The following GJD3 variants were observed in gnomAD, a reference collection of about 807,000 sequenced individuals.
GJD3 encodes the protein gap junction delta-3 protein.
For missense variants in GJD3, 421 were observed against 448.5 expected (o/e 0.94, Z 0.55); for synonymous variants, 217 against 226.7 (o/e 0.96, Z 0.38).
chr17:40,363,755 C>G lies in GJD3; in HGVS notation c.61G>C (p.Val21Leu). Residue 21 changes from valine (V) to leucine (L), a missense_variant, in exon 1 of 1, where the codon GTG becomes CTG. Val to Leu is a conservative substitution (Grantham distance 32, BLOSUM62 1). Transcript: ENST00000578689. The surrounding 1 kb of genome is among the most constrained non-coding windows in gnomAD (Gnocchi z 5.5). ...LDAVQLQSPL[V>L]GRLWLVVMLI... ...ATGACCACCAGCCAGAGGCGGCCCA[C>G]GAGCGGCGACTGCAGCTGCACGGCG... 4 of 1,609,204 alleles carry G rather than the reference C, an allele frequency of 2.5e-6. No individual in the cohort carries two copies. Among genetic ancestry groups the G allele is most frequent in the Non-Finnish European group, 3.4e-6 (4 of 1,178,960 alleles).
rs370184193 is a variant in GJD3, at chr17:40,362,633, G to T, written c.*298C>A. On this transcript the variant is annotated 3_prime_UTR_variant, in exon 1 of 1. Coordinates refer to ENST00000578689, the MANE Select transcript of GJD3 (RefSeq NM_152219.4). ...CACCTTCCGCTCTGTTCTCCCCCTC[G>T]GGTCCACTCTCTCTCAGGGTCCTGG... 6.6e-6 allele frequency among the ~76,000 whole-genome samples: 1 copy of T among 152,334 alleles called. No individual in the cohort carries two copies. The highest frequency in any genetic ancestry group is 1.9e-4 in the East Asian group (1 of 5,184).
rs1567771823 is a variant in GJD3 at position 40,360,990 on chromosome 17, C to A, written c.*1941G>T. On this transcript the variant is annotated 3_prime_UTR_variant, in exon 1 of 1. Coordinates refer to ENST00000578689, the MANE Select transcript of GJD3 (RefSeq NM_152219.4). ...ATATTTACTGAGCACATACTACGTGCCATGGAAGGGGAGAGAGCAATGCCA... is the reference window on the plus strand; with the variant it reads ...ATATTTACTGAGCACATACTACGTGACATGGAAGGGGAGAGAGCAATGCCA... 1 of 456,586 alleles carries A rather than the reference C, an allele frequency of 2.2e-6. No individual in the cohort carries two copies. Among genetic ancestry groups the A allele is most frequent in the Non-Finnish European group, 4.4e-6 (1 of 226,914 alleles). The allele number at this position is 456,586 out of a possible 1,614,324, so 28.3% of individuals were successfully genotyped here.
chr17:40,361,978 G>A lies in GJD3; in HGVS notation c.*953C>T, dbSNP rs978510595. On this transcript the variant is annotated 3_prime_UTR_variant, in exon 1 of 1. Transcript: ENST00000578689. ...GGCTCCCGAGGATTGAGGCCTGCCC[G>A]GGGAAAGGGAGCCTCTCCTCCTCTT... Among the ~76,000 whole-genome samples, 2 of 150,314 alleles carry A rather than the reference G, an allele frequency of 1.3e-5. No individual in the cohort carries two copies. Among genetic ancestry groups the A allele is most frequent in the African/African-American group, 4.9e-5 (2 of 40,994 alleles).
rs2034772526 is a variant in GJD3, at chr17:40,363,459, C to T, written c.357G>A (p.Glu119=). ...GCAGGGCGCACGGCGCGCACTGGGC[C>T]TCGGGCAGTCCGGGGGCGCACTGCG... ...AAAQCAPGLP[E]AQCAPCALRA... is the part of the protein sequence containing the mutation. The change falls in exon 1 of 1, where the codon GAG becomes GAA. Residue 119 remains glutamate, a synonymous_variant. Coordinates refer to ENST00000578689, the MANE Select transcript of GJD3 (RefSeq NM_152219.4). This position sits in a 1 kb window ranked among gnomAD's most constrained non-coding sequence, Gnocchi z 5.5. 9 of 1,485,868 alleles carry T rather than the reference C, an allele frequency of 6.1e-6. No homozygotes were observed. Among genetic ancestry groups the T allele is most frequent in the South Asian group, 1.3e-5 (1 of 76,770 alleles). The allele number at this position is 1,485,868 out of a possible 1,614,324, so 92.0% of individuals were successfully genotyped here.
In GJD3 at chr17:40,364,034, C is replaced by G. The variant is rs983498616; in HGVS notation, c.-219G>C. ...GACGCTCAGCTATGGGTTACCTTCT[C>G]TTTGGGACCGATGGGTGCTGGGGAG... On this transcript the variant is annotated 5_prime_UTR_variant, in exon 1 of 1. Transcript: ENST00000578689. The G allele has an allele frequency of 6.6e-6, 4 of 610,384 alleles. No individual in the cohort carries two copies. The highest frequency in any genetic ancestry group is 5.6e-5 in the African/African-American group (3 of 53,542). 37.8% of individuals were successfully genotyped at this position (610,384 alleles called of 1,614,324 possible).
Position 40,363,730 on chromosome 17 carries a change from A to C in GJD3, c.86T>G (p.Met29Arg). Reference protein sequence around the residue: ...PLVGRLWLVVMLIFRILVLAT... With the variant: ...PLVGRLWLVVRLIFRILVLAT... ...CAGCACCAGGATGCGGAAGATCAGC[A>C]TGACCACCAGCCAGAGGCGGCCCAC... Residue 29 changes from methionine to arginine, a missense_variant, in exon 1 of 1, where the codon ATG becomes AGG. Met to Arg is a moderately conservative substitution (Grantham distance 91). Coordinates refer to ENST00000578689, the MANE Select transcript of GJD3 (RefSeq NM_152219.4). This position sits in a 1 kb window ranked among gnomAD's most constrained non-coding sequence, Gnocchi z 5.5. 1 of 1,610,358 alleles carries C rather than the reference A, an allele frequency of 6.2e-7. No individual in the cohort carries two copies. The highest frequency in any genetic ancestry group is 1.1e-5 in the South Asian group (1 of 90,848).
chr17:40,363,427 C>G lies in GJD3; in HGVS notation c.389G>C (p.Arg130Pro), dbSNP rs1040855152. The stretch of plus-strand genomic sequence containing the variant: ...CAGCAGGTAGCAGCGGCGCGCGCGG[C>G]GGGCGCGCAGGGCGCACGGCGCGCA... ...AQCAPCALRA[R>P]RARRCYLLSV... The change falls in exon 1 of 1, where the codon CGC becomes CCC. Residue 130 changes from arginine (R) to proline (P), a missense_variant. By Grantham distance (103) the Arg-to-Pro change is moderately radical (BLOSUM62 -2). Transcript: ENST00000578689. The surrounding 1 kb of genome is among the most constrained non-coding windows in gnomAD (Gnocchi z 5.5). The G allele has an allele frequency of 3.8e-6, 5 of 1,306,172 alleles. No individual in the cohort carries two copies. In the African/African-American group the frequency reaches 7.8e-5, roughly 20 times the overall value. The allele number at this position is 1,306,172 out of a possible 1,614,324, so 80.9% of individuals were successfully genotyped here. A position where few individuals can be genotyped will look rare whatever the true frequency, so the allele number is the denominator to read the frequency against.
Position 40,363,596 on chromosome 17 carries a change from G to T in GJD3, c.220C>A (p.His74Asn). 6.3e-7 allele frequency: 1 copy of T among 1,599,964 alleles called. No individual in the cohort carries two copies. The highest frequency in any genetic ancestry group is 1.1e-5 in the South Asian group (1 of 88,982). The change falls in exon 1 of 1, where the codon CAC (histidine) becomes AAC (asparagine). Residue 74 changes from histidine (H) to asparagine (N), a missense_variant. His to Asn is a moderately conservative substitution (Grantham distance 68, BLOSUM62 1). Transcript: ENST00000578689. The surrounding 1 kb of genome is among the most constrained non-coding windows in gnomAD (Gnocchi z 5.5). ...ATGTGGAAGAGCCAGAAGCGGTAGT[G>T]GGAGACCGGGAAGGCGCGGTCGTAG... ...TCYDRAFPVS[H>N]YRFWLFHILL...
In GJD3 at chr17:40,364,170, C is replaced by T; in HGVS notation, c.-355G>A. The T allele has an allele frequency of 4.5e-6, 1 of 219,976 alleles. No homozygotes were observed. Among genetic ancestry groups the T allele is most frequent in the East Asian group, 1.3e-4 (1 of 7,794 alleles). The allele number at this position is 219,976 out of a possible 1,614,324, so 13.6% of individuals were successfully genotyped here. ...ACCTTGGAGATCAGCTGGACCAGCC[C>T]CTGACTTGCCTGGTTTCGGAAGCGG... On this transcript the variant is annotated 5_prime_UTR_variant, in exon 1 of 1. Coordinates refer to ENST00000578689, the MANE Select transcript of GJD3 (RefSeq NM_152219.4).
Position 40,363,307 on chromosome 17 carries a change from C to A in GJD3, c.509G>T (p.Gly170Val). The A allele has an allele frequency of 7.1e-7, 1 of 1,404,902 alleles. No individual in the cohort carries two copies. The highest frequency in any genetic ancestry group is 9.3e-7 in the Non-Finnish European group (1 of 1,074,646). 87.0% of individuals were successfully genotyped at this position (1,404,902 alleles called of 1,614,324 possible). ...GTCGACCGTGTGCGGGCAGGGCGGA[C>A]CGGCGCACGCGAAGTGCGGGGCCAC... ...FRVAPHFACA[G>V]PPCPHTVDCF... Residue 170 changes from glycine to valine, a missense_variant, in exon 1 of 1, where the codon GGT (glycine) becomes GTT (valine). Transcript: ENST00000578689. The surrounding 1 kb of genome is among the most constrained non-coding windows in gnomAD (Gnocchi z 5.5).
chr17:40,363,834 C>A lies in GJD3; in HGVS notation c.-19G>T, dbSNP rs2034777615. On this transcript the variant is annotated 5_prime_UTR_variant, in exon 1 of 1. Coordinates refer to ENST00000578689, the MANE Select transcript of GJD3 (RefSeq NM_152219.4). The surrounding 1 kb of genome is among the most constrained non-coding windows in gnomAD (Gnocchi z 5.5). ...CCCCCATGGCGCTGGGGACGCGGGG[C>A]GGGGAGTCAGGGGATGGGGCAAGTC... 2.5e-6 allele frequency: 4 copies of A among 1,570,496 alleles called. No homozygotes were observed. The highest frequency in any genetic ancestry group is 3.5e-6 in the Non-Finnish European group (4 of 1,158,186).
In GJD3 at chr17:40,362,852, G is replaced by T; in HGVS notation, c.*79C>A. 9.1e-7 allele frequency: 1 copy of T among 1,097,862 alleles called. No homozygotes were observed. The highest frequency in any genetic ancestry group is 5.1e-5 in the East Asian group (1 of 19,468). 68.0% of individuals were successfully genotyped at this position (1,097,862 alleles called of 1,614,324 possible). On this transcript the variant is annotated 3_prime_UTR_variant, in exon 1 of 1. Coordinates refer to ENST00000578689, the MANE Select transcript of GJD3 (RefSeq NM_152219.4). ...TCCCGCGACAGCTCTGGTGGAAGCA[G>T]CTTCCGGCTTCTGCGGTGCGGGCGG...
chr17:40,363,479 A>G lies in GJD3; in HGVS notation c.337T>C (p.Cys113Arg). 6.5e-7 allele frequency: 1 copy of G among 1,537,556 alleles called. No individual in the cohort carries two copies. Among genetic ancestry groups the G allele is most frequent in the East Asian group, 2.5e-5 (1 of 40,692 alleles). Residue 113 changes from cysteine to arginine, a missense_variant, in exon 1 of 1, where the codon TGC (cysteine) becomes CGC (arginine). Coordinates refer to ENST00000578689, the MANE Select transcript of GJD3 (RefSeq NM_152219.4). This position sits in a 1 kb window ranked among gnomAD's most constrained non-coding sequence, Gnocchi z 5.5. The stretch of plus-strand genomic sequence containing the variant: ...TGGGCCTCGGGCAGTCCGGGGGCGC[A>G]CTGCGCCGCCGCCTCAGCGCCGCCC... ...EAGGAEAAAQCAPGLPEAQCA... is the reference protein window; with the variant it reads ...EAGGAEAAAQRAPGLPEAQCA...
rs1429368156 is a variant in GJD3 at position 40,363,124 on chromosome 17, T to C, written c.692A>G (p.His231Arg). 7.4e-7 allele frequency: 1 copy of C among 1,349,714 alleles called. No individual in the cohort carries two copies. The highest frequency in any genetic ancestry group is 9.6e-7 in the Non-Finnish European group (1 of 1,045,924). The allele number at this position is 1,349,714 out of a possible 1,614,324, so 83.6% of individuals were successfully genotyped here. A position where few individuals can be genotyped will look rare whatever the true frequency, so the allele number is the denominator to read the frequency against. The change falls in exon 1 of 1, where the codon CAC becomes CGC. Residue 231 changes from histidine to arginine, a missense_variant. Physicochemically the swap from His to Arg is conservative, Grantham distance 29 (BLOSUM62 0). Coordinates refer to ENST00000578689, the MANE Select transcript of GJD3 (RefSeq NM_152219.4). The surrounding 1 kb of genome is among the most constrained non-coding windows in gnomAD (Gnocchi z 5.5). ...CGGGAGCAGCTTCTGCGCCTCTTCG[T>C]GTGCACGGTTGCAGCGGTTGTCACG... ...GERDNRCNRAHEEAQKLLPPP... is the reference protein window; with the variant it reads ...GERDNRCNRAREEAQKLLPPP...
rs1167346792 is a variant in GJD3 at position 40,363,335 on chromosome 17, G to A, written c.481C>T (p.Arg161Cys). 3.5e-6 allele frequency: 5 copies of A among 1,417,962 alleles called. No individual in the cohort carries two copies. Among genetic ancestry groups the A allele is most frequent in the Non-Finnish European group, 2.8e-6 (3 of 1,083,460 alleles). 87.8% of individuals were successfully genotyped at this position (1,417,962 alleles called of 1,614,324 possible). The change falls in exon 1 of 1, where the codon CGC (arginine) becomes TGC (cysteine). Residue 161 changes from arginine to cysteine, a missense_variant. Physicochemically the swap from Arg to Cys is radical, Grantham distance 180. Transcript: ENST00000578689. This position sits in a 1 kb window ranked among gnomAD's most constrained non-coding sequence, Gnocchi z 5.5. ...LGGQALLYGF[R>C]VAPHFACAGP... is the part of the protein sequence containing the mutation. ...GCGCACGCGAAGTGCGGGGCCACGC[G>A]GAAGCCGTAGAGCAGCGCCTGGCCG... is the stretch of plus-strand genomic sequence containing the variant.
rs1337622959 is a variant in GJD3 at position 40,361,308 on chromosome 17, C to A, written c.*1623G>T. On this transcript the variant is annotated 3_prime_UTR_variant, in exon 1 of 1. Transcript: ENST00000578689. ...GAAGCCGGTGCTGTGGAGTCGAAGGCCTGACAGGGGCAGGGCTTCAGAAGG... is the reference window on the plus strand; with the variant it reads ...GAAGCCGGTGCTGTGGAGTCGAAGGACTGACAGGGGCAGGGCTTCAGAAGG... 6.6e-6 allele frequency among the ~76,000 whole-genome samples: 1 copy of A among 152,196 alleles called. No homozygotes were observed. Among genetic ancestry groups the A allele is most frequent in the Admixed American group, 6.5e-5 (1 of 15,284 alleles).
rs973992208 is a variant in GJD3 at position 40,361,216 on chromosome 17, C to T, written c.*1715G>A. The T allele has an allele frequency of 1.4e-5, 5 of 348,090 alleles. No individual in the cohort carries two copies. The highest frequency in any genetic ancestry group is 6.6e-5 in the African/African-American group (3 of 45,568). 21.6% of individuals were successfully genotyped at this position (348,090 alleles called of 1,614,324 possible). ...TGGGCAAAGGAACAGCACGTTCAAA[C>T]GCTTGGCAGCAAGCAGGTCTGGTGC... On this transcript the variant is annotated 3_prime_UTR_variant, in exon 1 of 1. Coordinates refer to ENST00000578689, the MANE Select transcript of GJD3 (RefSeq NM_152219.4).
chr17:40,362,437 C>T lies in GJD3; in HGVS notation c.*494G>A, dbSNP rs2034760314. ...TGTACACATGCGCGCACATGCACAGCGCTCACACAGGGTGTACAGGTGCGC... is the reference window on the plus strand; with the variant it reads ...TGTACACATGCGCGCACATGCACAGTGCTCACACAGGGTGTACAGGTGCGC... On this transcript the variant is annotated 3_prime_UTR_variant, in exon 1 of 1. Coordinates refer to ENST00000578689, the MANE Select transcript of GJD3 (RefSeq NM_152219.4). Among the ~76,000 whole-genome samples the T allele has an allele frequency of 1.3e-5, 2 of 151,658 alleles. No homozygotes were observed. The highest frequency in any genetic ancestry group is 2.4e-5 in the African/African-American group (1 of 41,238).
rs1443373972 is a variant in GJD3, at chr17:40,361,389, C to T, written c.*1542G>A. On this transcript the variant is annotated 3_prime_UTR_variant, in exon 1 of 1. Transcript: ENST00000578689. ...AGGGCAGGGGTGCTGCCCTCAGTCC[C>T]GGGTTTAAGTGGGGGGCGCTATTCA... Among the ~76,000 whole-genome samples, 2 of 152,148 alleles carry T rather than the reference C, an allele frequency of 1.3e-5. No individual in the cohort carries two copies. Among genetic ancestry groups the T allele is most frequent in the Admixed American group, 6.5e-5 (1 of 15,276 alleles).
Sources: gnomAD v4.1 joint callset for allele counts (sites outside exome capture counted in the v4.1 genomes callset) on GRCh38, gnomAD v4.1.1 for gene constraint, Gnocchi (gnomAD v3.1) non-coding constraint, MANE v1.5 for transcripts, NCBI Gene and HGNC (gene_info 2026-07-23, HGNC 2026-07-21) for gene names.